The following ANKRD6 variants were observed in gnomAD, a reference collection of about 807,000 sequenced individuals.
ANKRD6 encodes the protein ankyrin repeat domain-containing protein 6.
In ANKRD6, 56 loss-of-function variants were observed where a neutral mutation model predicts 82.3. That is an observed-to-expected ratio of 0.68 (90% CI 0.55 to 0.85). The LOEUF is 0.85. Ranked by LOEUF, ANKRD6 falls within the 40% of genes least tolerant of loss-of-function variation. ANKRD6 has a pLI of 0.00. For missense variants in ANKRD6, 852 were observed against 907.6 expected, an observed-to-expected ratio of 0.94 and a Z score of 0.79; for synonymous variants, 347 against 352.1, an observed-to-expected ratio of 0.99 and a Z score of 0.16.
intron 1 of ANKRD6, among the ~76,000 whole-genome samples, chr6:89,440,658 G>GAGCACCTGTAGTCCCA (rs1249230870): frequency 6.6e-6 from 1 of 152,120 alleles, no homozygotes; most frequent in Admixed American, 6.6e-5. Context: ...GTGTGGCAGT[G>GAGCACCTGTAGTCCCA]AGCACCTGTA....
intron 4 of ANKRD6, among the ~76,000 whole-genome samples, chr6:89,603,615 G>A (rs927421363): frequency 1.3e-5 from 2 of 152,126 alleles, no homozygotes; most frequent in African/African-American, 2.4e-5. Flanking sequence ...TAAGGGATGT[G>A]CCCCAGACTT....
chr6:89,487,194 A>T (rs1777479014), intron 1 of ANKRD6, among the ~76,000 whole-genome samples: 1 of 152,244 alleles, frequency 6.6e-6, no homozygotes, highest in East Asian at 1.9e-4. Flanking sequence ...TGTTCTGAGA[A>T]TTAAATGAGA....
chr6:89,538,134 A>T (rs1035207172), intron 1 of ANKRD6, among the ~76,000 whole-genome samples: 1 of 152,186 alleles, frequency 6.6e-6, no homozygotes, highest in Non-Finnish European at 1.5e-5. Context: ...ATTGTCACAT[A>T]ACATTTTAAG....
At chr6:89,457,610 C>T (rs1773649990) in intron 1 of ANKRD6, among the ~76,000 whole-genome samples, 2 of 152,150 alleles carry the variant, frequency 1.3e-5, no homozygotes, top group African/African-American at 4.8e-5. Context: ...GATTTATCTT[C>T]AACTTTATCA....
chr6:89,576,092 C>T (rs1248797605), intron 2 of ANKRD6, among the ~76,000 whole-genome samples: 1 of 151,990 alleles, frequency 6.6e-6, no homozygotes, highest in African/African-American at 2.4e-5. Context: ...CGCTCTGTCA[C>T]CCAGGCTGGA....
chr6:89,544,658 G>A (rs1470128861), intron 1 of ANKRD6, among the ~76,000 whole-genome samples: 1 of 152,036 alleles, frequency 6.6e-6, no homozygotes, highest in Non-Finnish European at 1.5e-5. Context: ...AGGTTGCAGT[G>A]AGCCAAGATT....
chr6:89,552,499 A>T (rs1186971325), intron 1 of ANKRD6, among the ~76,000 whole-genome samples: 1 of 152,202 alleles, frequency 6.6e-6, no homozygotes, highest in Non-Finnish European at 1.5e-5. Context: ...AAGAGACCAA[A>T]TGAGGATTTG....
chr6:89,468,886 C>G (rs1775142608), intron 1 of ANKRD6, among the ~76,000 whole-genome samples: 1 of 152,138 alleles, frequency 6.6e-6, no homozygotes, highest in African/African-American at 2.4e-5. Context: ...TCCTCCCGCC[C>G]CTTACCTCCT....
intron 1 of ANKRD6, among the ~76,000 whole-genome samples, chr6:89,565,793 T>C (rs1788385927): frequency 6.6e-6 from 1 of 152,256 alleles, no homozygotes; most frequent in South Asian, 2.1e-4. Context: ...TGTTGTAGCA[T>C]TTTCTTTCCA....
chr6:89,602,856 A>T, intron 3 of ANKRD6, 173 bp from the exon 4 acceptor site: 2 of 570,254 alleles, frequency 3.5e-6, no homozygotes. Flanking sequence ...TGCGTTGTCT[A>T]CTAACAAGAC....
chr6:89,495,060 C>A (rs1461948218), intron 1 of ANKRD6, among the ~76,000 whole-genome samples: 1 of 152,042 alleles, frequency 6.6e-6, no homozygotes, highest in Non-Finnish European at 1.5e-5. Context: ...CAGTGAAACC[C>A]CACCTCTACT....
intron 1 of ANKRD6, among the ~76,000 whole-genome samples, chr6:89,459,080 C>CT (rs1023371220): frequency 4.0e-5 from 6 of 151,588 alleles, no homozygotes; most frequent in African/African-American, 9.7e-5. Flanking sequence ...ATGAATATGT[C>CT]TTTTTTTTTA....
intron 1 of ANKRD6, among the ~76,000 whole-genome samples, chr6:89,489,979 G>A (rs1777827025): frequency 1.3e-5 from 2 of 152,190 alleles, no homozygotes; most frequent in Non-Finnish European, 2.9e-5. Flanking sequence ...GTCCTGGGTT[G>A]TCCACTGTGT....
At chr6:89,514,294 C>T (rs1022079545) in intron 1 of ANKRD6, among the ~76,000 whole-genome samples, 3 of 152,130 alleles carry the variant, frequency 2.0e-5, no homozygotes, top group African/African-American at 7.2e-5. Context: ...AGGAGAATCG[C>T]TTGAACCTGG....
chr6:89,524,431 T>G (rs1166796788), intron 1 of ANKRD6, among the ~76,000 whole-genome samples: 1 of 152,174 alleles, frequency 6.6e-6, no homozygotes, highest in African/African-American at 2.4e-5. Flanking sequence ...CTTAGAATAA[T>G]GGTCTCCTAC....
intron 2 of ANKRD6, among the ~76,000 whole-genome samples, chr6:89,583,700 T>C (rs1413208078): frequency 6.6e-6 from 1 of 152,252 alleles, no homozygotes; most frequent in Non-Finnish European, 1.5e-5. Flanking sequence ...TTAAAGAGTC[T>C]AGGTAAGAGT....
intron 1 of ANKRD6, among the ~76,000 whole-genome samples, chr6:89,458,942 A>G (rs1773794091): frequency 6.6e-6 from 1 of 152,028 alleles, no homozygotes; most frequent in African/African-American, 2.4e-5. Context: ...ATGCCCTGCC[A>G]CCCCCACATT....
chr6:89,462,713 A>C (rs1346314390), intron 1 of ANKRD6, among the ~76,000 whole-genome samples: 1 of 152,236 alleles, frequency 6.6e-6, no homozygotes, highest in Non-Finnish European at 1.5e-5. Flanking sequence ...AGACAATAAA[A>C]AGATTATCTT....
At chr6:89,629,502 A>G in intron 15 of ANKRD6, 1 of 471,768 alleles carries the variant, frequency 2.1e-6, no homozygotes, top group South Asian at 1.9e-5. Flanking sequence ...TGCCTTGAGT[A>G]CAGTGTTGAT....
Sources: gnomAD v4.1 joint callset for allele counts (sites outside exome capture counted in the v4.1 genomes callset) on GRCh38, gnomAD v4.1.1 for gene constraint, MANE v1.5 for transcripts, NCBI Gene and HGNC (gene_info 2026-07-23, HGNC 2026-07-21) for gene names.